GABARAPL1: variants seen among roughly 807,000 people sequenced by gnomAD.
GABARAPL1 encodes the protein GABA type A receptor associated protein like 1, also known as gamma-aminobutyric acid receptor-associated protein-like 1.
GABARAPL1 carries 4 observed loss-of-function variants against 14.5 expected under a neutral mutation model. That is an observed-to-expected ratio of 0.28 (90% CI 0.14 to 0.63). The LOEUF (loss-of-function observed/expected upper bound fraction) is 0.63, where lower values mean the gene tolerates loss of function less well. GABARAPL1 is among the 30% of genes least tolerant of loss of function. The probability of loss-of-function intolerance (pLI) is 0.84; values close to 1 mark genes in which losing one functional copy is unlikely to be tolerated. For missense variants in GABARAPL1, 82 were observed against 139.2 expected, an observed-to-expected ratio of 0.59 and a Z score of 2.07; for synonymous variants, 47 against 50.6, an observed-to-expected ratio of 0.93 and a Z score of 0.30.
At position 10,222,415 on chromosome 12, in the gene GABARAPL1, AC is replaced by A. The variant is rs35964378; in HGVS notation, c.*567del. ...AATCTCACTCAGACATCACAGTACC[AC>A]CCCAGGGGTGGCAGTAGACAACAAC... On this transcript the variant is annotated 3_prime_UTR_variant, in exon 4 of 4. Transcript: ENST00000266458. The A allele has an allele frequency of 0.13, 20,326 of 153,550 alleles. 2,012 individuals are homozygous for A. The highest frequency in any genetic ancestry group is 0.48 in the East Asian group (2,484 of 5,176). 9.5% of individuals were successfully genotyped at this position (153,550 alleles called of 1,614,324 possible). A position where few individuals can be genotyped will look rare whatever the true frequency, so the allele number is the denominator to read the frequency against.
intron 1 of GABARAPL1, among the ~76,000 whole-genome samples, chr12:10,215,217 A>G (rs922183759): frequency 6.6e-6 from 1 of 152,196 alleles, no homozygotes; most frequent in Non-Finnish European, 1.5e-5. Context: ...CCTGAAGCCC[A>G]TTCCAGCTTG....
chr12:10,213,689 C>G, intron 1 of GABARAPL1: 1 of 350,712 alleles, frequency 2.9e-6, no homozygotes, highest in Non-Finnish European at 5.7e-6. Context: ...CTTTGGCTCT[C>G]ATATCATTGG....
At chr12:10,218,170 C>T in intron 2 of GABARAPL1, 29 bp downstream of exon 2, 1 of 1,346,140 alleles carries the variant, frequency 7.4e-7, no homozygotes, top group Non-Finnish European at 1.1e-6. Flanking sequence ...CCTGACCCTT[C>T]CTCCGGTGAA....
intron 1 of GABARAPL1, among the ~76,000 whole-genome samples, chr12:10,216,759 C>T (rs917885666): frequency 6.6e-6 from 1 of 151,980 alleles, no homozygotes; most frequent in East Asian, 1.9e-4. Flanking sequence ...AGGCTGGTCT[C>T]GAACTCCCGA....
chr12:10,218,204 A>C, intron 2 of GABARAPL1, 63 bp downstream of exon 2: 1 of 905,690 alleles, frequency 1.1e-6, no homozygotes, highest in Admixed American at 1.7e-5. Flanking sequence ...TCCTCATTAC[A>C]TGCATGAGAT....
rs1949125407 is a variant in GABARAPL1 at position 10,222,575 on chromosome 12, T to C, written c.*723T>C. 1 of 152,372 alleles carries C rather than the reference T, an allele frequency of 6.6e-6. No individual in the cohort carries two copies. The highest frequency in any genetic ancestry group is 2.4e-5 in the African/African-American group (1 of 41,452). 9.4% of individuals were successfully genotyped at this position (152,372 alleles called of 1,614,324 possible). ...GACAAGAGTGTTGAGCATCCCTGTC[T>C]AACCTGCTCTTTCTCTTTGGTGCCC... is the stretch of plus-strand genomic sequence containing the variant. On this transcript the variant is annotated 3_prime_UTR_variant, in exon 4 of 4. Coordinates refer to ENST00000266458, the MANE Select transcript of GABARAPL1 (RefSeq NM_031412.4).
intron 1 of GABARAPL1, among the ~76,000 whole-genome samples, chr12:10,217,327 G>T (rs1278882633): frequency 6.6e-6 from 1 of 152,148 alleles, no homozygotes; most frequent in Admixed American, 6.5e-5. Context: ...TTTTGACAAA[G>T]ATTTAAACCA....
At chr12:10,217,264 ACTGTTT>A (rs1949095887) in intron 1 of GABARAPL1, among the ~76,000 whole-genome samples, 1 of 152,212 alleles carries the variant, frequency 6.6e-6, no homozygotes, top group Non-Finnish European at 1.5e-5. Context: ...TTGTTTTAAC[ACTGTTT>A]CTTTTCCATT....
At chr12:10,215,707 TCCGAGTTC>T (rs1206596201) in intron 1 of GABARAPL1, among the ~76,000 whole-genome samples, 2 of 152,176 alleles carry the variant, frequency 1.3e-5, no homozygotes, top group Admixed American at 1.3e-4. Flanking sequence ...CTGCTAGGTG[TCCGAGTTC>T]CTTTGGGGCA....
At chr12:10,215,598 C>A (rs1190659242) in intron 1 of GABARAPL1, among the ~76,000 whole-genome samples, 2 of 151,960 alleles carry the variant, frequency 1.3e-5, no homozygotes, top group African/African-American at 4.8e-5. Flanking sequence ...ATTACCCCTC[C>A]CCCTTCTCTT....
intron 1 of GABARAPL1, among the ~76,000 whole-genome samples, chr12:10,216,227 C>A (rs373877746): frequency 6.6e-6 from 1 of 151,810 alleles, no homozygotes; most frequent in Non-Finnish European, 1.5e-5. Flanking sequence ...AAAAATTAGC[C>A]GGGCGTGGTG....
In GABARAPL1 at chr12:10,212,966, G is replaced by T; in HGVS notation, c.-164G>T. The stretch of plus-strand genomic sequence containing the variant: ...CCAGGCAGGCTCACCCGAGATCCCC[G>T]CCCCGAACCCCCCCTGCACACTCGG... On this transcript the variant is annotated 5_prime_UTR_variant, in exon 1 of 4. Transcript: ENST00000266458. The T allele has an allele frequency of 2.1e-6, 1 of 470,772 alleles. No individual in the cohort carries two copies. The allele number at this position is 470,772 out of a possible 1,614,324, so 29.2% of individuals were successfully genotyped here.
intron 1 of GABARAPL1, among the ~76,000 whole-genome samples, chr12:10,216,564 A>C (rs1396708561): frequency 9.9e-6 from 1 of 101,414 alleles, no homozygotes; most frequent in Non-Finnish European, 1.9e-5. Context: ...TTTGAGACCG[A>C]GTTTTGCTCT....
chr12:10,220,379 C>T, intron 2 of GABARAPL1, 61 bp from the exon 3 acceptor site: 2 of 1,606,946 alleles, frequency 1.2e-6, no homozygotes, highest in East Asian at 2.2e-5. Flanking sequence ...AGGACTTACC[C>T]TTCTACTAAT....
At chr12:10,219,043 G>A (rs946109329) in intron 2 of GABARAPL1, among the ~76,000 whole-genome samples, 1 of 151,932 alleles carries the variant, frequency 6.6e-6, no homozygotes, top group African/African-American at 2.4e-5. Flanking sequence ...CTTTGGCTGG[G>A]GGTGGTGGCT....
In GABARAPL1 at chr12:10,212,908, G is replaced by A; in HGVS notation, c.-222G>A. The A allele has an allele frequency of 2.1e-6, 1 of 487,118 alleles. No individual in the cohort carries two copies. The highest frequency in any genetic ancestry group is 3.7e-6 in the Non-Finnish European group (1 of 270,176). 30.2% of individuals were successfully genotyped at this position (487,118 alleles called of 1,614,324 possible). A position where few individuals can be genotyped will look rare whatever the true frequency, so the allele number is the denominator to read the frequency against. ...GTGCTCCCAGCTCTAGCGAAAAGCC[G>A]CCGGTATTTCTCCATCTGGCTCTCC... On this transcript the variant is annotated 5_prime_UTR_variant, in exon 1 of 4. Transcript: ENST00000266458.
intron 2 of GABARAPL1, among the ~76,000 whole-genome samples, chr12:10,220,133 C>T (rs1002868046): frequency 6.6e-6 from 1 of 152,116 alleles, no homozygotes; most frequent in African/African-American, 2.4e-5. Flanking sequence ...TCTGGATGCA[C>T]ATGGTATTCC....
chr12:10,221,624 C>A, intron 3 of GABARAPL1, 163 bp from the exon 4 acceptor site: 1 of 495,608 alleles, frequency 2.0e-6, no homozygotes, highest in Non-Finnish European at 2.6e-6. Context: ...GAACTCAGAG[C>A]TCAAAGTGTA....
chr12:10,213,309 C>A lies in GABARAPL1; in HGVS notation c.90+90C>A. The A allele has an allele frequency of 8.7e-6, 7 of 800,128 alleles. No individual in the cohort carries two copies. In the African/African-American group the frequency reaches 1.0e-4, roughly 12 times the overall value. The allele number at this position is 800,128 out of a possible 1,614,324, so 49.6% of individuals were successfully genotyped here. A position where few individuals can be genotyped will look rare whatever the true frequency, so the allele number is the denominator to read the frequency against. ...AGATGGCTTCCCTGGGGCGCCCAGG[C>A]GGCTCTGGAGAAGGGAGGTTCCGAG... On this transcript the variant is annotated intron_variant, in intron 1 of 3. Coordinates refer to ENST00000266458, the MANE Select transcript of GABARAPL1 (RefSeq NM_031412.4).
Sources: allele counts gnomAD v4.1 joint callset (sites outside exome capture counted in the v4.1 genomes callset), GRCh38; gene constraint gnomAD v4.1.1; transcripts MANE v1.5; gene names NCBI Gene and HGNC (gene_info 2026-07-23, HGNC 2026-07-21).